Variants in ELMO2 observed in about 807,000 individuals in gnomAD.
ELMO2 encodes the protein engulfment and cell motility protein 2.
In ELMO2, 37 loss-of-function variants were observed where a neutral mutation model predicts 96.2. The ratio of observed to expected loss-of-function variants is 0.38; its 90% CI spans 0.30 to 0.51. The LOEUF (loss-of-function observed/expected upper bound fraction) is 0.51. ELMO2 is among the 20% of genes least tolerant of loss of function. The probability of loss-of-function intolerance (pLI) is 0.88; values close to 1 mark genes in which losing one functional copy is unlikely to be tolerated. For synonymous variants in ELMO2, 315 were observed against 329.4 expected (o/e 0.96, Z 0.47); for missense variants, 561 against 912.6 (o/e 0.61, Z 4.96).
At chr20:46,388,768 G>A (rs2060095359) in intron 7 of ELMO2, among the ~76,000 whole-genome samples, 1 of 152,128 alleles carries the variant, frequency 6.6e-6, no homozygotes, top group South Asian at 2.1e-4. Flanking sequence ...CTCTCCTCCT[G>A]ACTTCTCTAG....
intron 6 of ELMO2, among the ~76,000 whole-genome samples, chr20:46,391,349 A>G (rs559950311): frequency 6.6e-6 from 1 of 152,338 alleles, no homozygotes; most frequent in East Asian, 1.9e-4. Flanking sequence ...CCTTGCCTAC[A>G]GAATGGGGCT....
chr20:46,373,280 A>G (rs951336117), intron 16 of ELMO2, 119 bp downstream of exon 16: 87 of 1,392,924 alleles, frequency 6.2e-5, no homozygotes, highest in Admixed American at 5.9e-4. Context: ...CTTGTGACTC[A>G]GTTCTGCAGA....
Position 46,374,621 on chromosome 20 carries a change from A to G in ELMO2, c.1085T>C (p.Met362Thr), listed in dbSNP as rs1213077138. 2 of 1,614,206 alleles carry G rather than the reference A, an allele frequency of 1.2e-6. No individual in the cohort carries two copies. Among genetic ancestry groups the G allele is most frequent in the Non-Finnish European group, 1.7e-6 (2 of 1,180,032 alleles). ...LGFTNHINPA[M>T]DFTQTPPGML... ...TCCAGGAGGAGTCTGGGTAAAGTCC[A>G]TGGCTGGATTGATGTGGTTCTAGAG... Residue 362 changes from methionine (M) to threonine (T), a missense_variant, in exon 14 of 22, where the codon ATG (methionine) becomes ACG (threonine). By Grantham distance (81) the Met-to-Thr change is moderately conservative. Coordinates refer to ENST00000290246, the MANE Select transcript of ELMO2 (RefSeq NM_133171.5).
intron 19 of ELMO2, 51 bp from the exon 20 acceptor site, chr20:46,370,576 A>C: frequency 6.4e-7 from 1 of 1,558,050 alleles, no homozygotes; most frequent in Non-Finnish European, 8.8e-7. Flanking sequence ...CAAGCTGGTC[A>C]GTGCCTACAT....
intron 9 of ELMO2, among the ~76,000 whole-genome samples, chr20:46,383,983 T>C (rs2145809255): frequency 6.6e-6 from 1 of 152,186 alleles, no homozygotes; most frequent in Admixed American, 6.5e-5. Flanking sequence ...TTCAAAGGTG[T>C]CTAGGTTGCA....
In ELMO2 at chr20:46,371,717, G is replaced by A. The variant is rs2059714855; in HGVS notation, c.1581-26C>T. 1 of 1,613,700 alleles carries A rather than the reference G, an allele frequency of 6.2e-7. No individual in the cohort carries two copies. Among genetic ancestry groups the A allele is most frequent in the African/African-American group, 1.3e-5 (1 of 74,830 alleles). On this transcript the variant is annotated intron_variant, in intron 17 of 21. Coordinates refer to ENST00000290246, the MANE Select transcript of ELMO2 (RefSeq NM_133171.5). This position sits in a 1 kb window ranked among gnomAD's most constrained non-coding sequence, Gnocchi z 5.9. ...CTGGGGTGGACACACACTGGAGTGAGCGGAAGGTCATGGGGACAGTGGAGC... is the reference window on the plus strand; with the variant it reads ...CTGGGGTGGACACACACTGGAGTGAACGGAAGGTCATGGGGACAGTGGAGC...
chr20:46,387,001 T>C (rs146033314), intron 8 of ELMO2, among the ~76,000 whole-genome samples: 9 of 152,072 alleles, frequency 5.9e-5, no homozygotes, highest in African/African-American at 1.9e-4. Flanking sequence ...TTTATATATA[T>C]ACAAAAAGAA....
At chr20:46,388,941 T>C in intron 7 of ELMO2, 98 bp downstream of exon 7, 1 of 1,302,382 alleles carries the variant, frequency 7.7e-7, no homozygotes, top group East Asian at 2.3e-5. Flanking sequence ...TGGTATTCAA[T>C]AAACTCCTTA....
intron 10 of ELMO2, among the ~76,000 whole-genome samples, chr20:46,381,873 A>G (rs975799982): frequency 9.2e-5 from 14 of 152,222 alleles, no homozygotes; most frequent in African/African-American, 3.1e-4. Flanking sequence ...AAAGCAAGTA[A>G]GAAGGTGACG....
chr20:46,384,359 GTC>G (rs1238824625), intron 9 of ELMO2, among the ~76,000 whole-genome samples: 1 of 152,146 alleles, frequency 6.6e-6, no homozygotes, highest in East Asian at 1.9e-4. Context: ...TTTCCAGAGG[GTC>G]TGATGGGCTT....
intron 8 of ELMO2, among the ~76,000 whole-genome samples, chr20:46,386,587 T>C (rs1427999956): frequency 2.6e-5 from 4 of 152,236 alleles, no homozygotes; most frequent in Non-Finnish European, 1.5e-5. Context: ...ATTTTACTGA[T>C]ACTGGGATCT....
At chr20:46,404,572 AAC>A (rs2060393552) in intron 1 of ELMO2, among the ~76,000 whole-genome samples, 1 of 152,172 alleles carries the variant, frequency 6.6e-6, no homozygotes, top group African/African-American at 2.4e-5. Context: ...TGCAGATAAC[AAC>A]AGTTATCTCA....
At chr20:46,374,191 C>T in intron 15 of ELMO2, 141 bp downstream of exon 15, 1 of 607,192 alleles carries the variant, frequency 1.6e-6, no homozygotes, top group South Asian at 1.8e-5. Flanking sequence ...ATCCTCCTGC[C>T]TCAGTCTCCC....
At chr20:46,395,747 G>A (rs1381798497) in intron 2 of ELMO2, among the ~76,000 whole-genome samples, 1 of 152,216 alleles carries the variant, frequency 6.6e-6, no homozygotes, top group Non-Finnish European at 1.5e-5. Context: ...AGAATGGGAT[G>A]CTTCAGAAGT....
In ELMO2 at chr20:46,371,977, GAGA is replaced by G. The variant is rs1228974757; in HGVS notation, c.1417-11_1417-9del. 12 of 1,613,300 alleles carry G rather than the reference GAGA, an allele frequency of 7.4e-6. No homozygotes were observed. Among genetic ancestry groups the G allele is most frequent in the Admixed American group, 5.0e-5 (3 of 60,008 alleles). On this transcript the variant is annotated splice_polypyrimidine_tract_variant and intron_variant, in intron 16 of 21. Transcript: ENST00000290246. This position sits in a 1 kb window ranked among gnomAD's most constrained non-coding sequence, Gnocchi z 5.9. The stretch of plus-strand genomic sequence containing the variant: ...TCGGACGACTTGCATAACCTAAGAG[GAGA>G]AGAACCCAGCCAACTCACACCACTA...
At position 46,367,159 on chromosome 20, in the gene ELMO2, C is replaced by T. The variant is rs900672343; in HGVS notation, c.*201G>A. On this transcript the variant is annotated 3_prime_UTR_variant, in exon 22 of 22. Transcript: ENST00000290246. Reference sequence around the variant, plus strand: ...CATGGTGATGGAGTGGGCAGAGCACCCTGCCTTCATGACTCTTAGTAGACA... The same window carrying T: ...CATGGTGATGGAGTGGGCAGAGCACTCTGCCTTCATGACTCTTAGTAGACA... The T allele has an allele frequency of 8.4e-6, 4 of 474,530 alleles. No individual in the cohort carries two copies. The highest frequency in any genetic ancestry group is 4.0e-5 in the African/African-American group (2 of 49,414). 29.4% of individuals were successfully genotyped at this position (474,530 alleles called of 1,614,324 possible). A position where few individuals can be genotyped will look rare whatever the true frequency, so the allele number is the denominator to read the frequency against.
At chr20:46,369,961 GGT>G (rs200632114) in intron 20 of ELMO2, 3,518 of 50,136 alleles carry the variant, frequency 0.07, 109 homozygotes, top group African/African-American at 0.18. Flanking sequence ...TGGGTATGGG[GGT>G]GTGTGTGTGT....
In ELMO2 at chr20:46,386,232, A is replaced by G; in HGVS notation, c.569T>C (p.Leu190Pro). Reference protein sequence around the residue: ...VSQPMVDVSILQRSLAILESM... With the variant: ...VSQPMVDVSIPQRSLAILESM... ...CTCCAGGATGGCCAGGGACCTCTGA[A>G]GGATTGACACGTCCACCATGGGCTG... The change falls in exon 9 of 22, where the codon CTT (leucine) becomes CCT (proline). Residue 190 changes from leucine (L) to proline (P), a missense_variant. Leu to Pro is a moderately conservative substitution (Grantham distance 98). Coordinates refer to ENST00000290246, the MANE Select transcript of ELMO2 (RefSeq NM_133171.5). 6.2e-7 allele frequency: 1 copy of G among 1,614,086 alleles called. No individual in the cohort carries two copies. Among genetic ancestry groups the G allele is most frequent in the Non-Finnish European group, 8.5e-7 (1 of 1,180,000 alleles).
intron 20 of ELMO2, 53 bp downstream of exon 20, chr20:46,370,390 G>A (rs1235536598): frequency 6.6e-7 from 1 of 1,521,062 alleles, no homozygotes; most frequent in Non-Finnish European, 9.1e-7. Context: ...CACCACCAAT[G>A]GCACTCTCCA....
Sources: gnomAD v4.1 joint callset for allele counts (sites outside exome capture counted in the v4.1 genomes callset) on GRCh38, gnomAD v4.1.1 for gene constraint, Gnocchi (gnomAD v3.1) non-coding constraint, MANE v1.5 for transcripts, NCBI Gene and HGNC (gene_info 2026-07-23, HGNC 2026-07-21) for gene names.